TAB2: variants seen among roughly 807,000 people sequenced by gnomAD.
The protein encoded by TAB2 is TGF-beta-activated kinase 1 and MAP3K7-binding protein 2.
Under a neutral mutation model 65.0 loss-of-function variants are expected in TAB2, and 3 were observed. The observed-to-expected ratio is 0.05, with a 90% CI of 0.02 to 0.12. TAB2 has a LOEUF of 0.12. Among genes scored for constraint, TAB2 ranks in the 10% least tolerant of loss-of-function variants. The probability of loss-of-function intolerance (pLI) is 1.00; values close to 1 mark genes in which losing one functional copy is unlikely to be tolerated. For missense variants in TAB2, 623 were observed against 840.3 expected (o/e 0.74, Z 3.20); for synonymous variants, 298 against 285.1 (o/e 1.05, Z -0.46).
At position 149,379,085 on chromosome 6, in the gene TAB2, A is replaced by T; in HGVS notation, c.1170A>T (p.Ser390=). 3 of 1,614,162 alleles carry T rather than the reference A, an allele frequency of 1.9e-6. No homozygotes were observed. The South Asian group carries it at 3.3e-5, about 18-fold the overall frequency. ...GTAGTCAACCTAAGGTCTATATTTC[A>T]GCGAATGCTGCCACAGGAGATGAAC... ...MSRSQPKVYI[S]ANAATGDEQV... is the part of the protein sequence containing the mutation. The change falls in exon 3 of 7, where the codon TCA becomes TCT. Residue 390 remains serine, a synonymous_variant. Coordinates refer to ENST00000637181, the MANE Select transcript of TAB2 (RefSeq NM_001292034.3).
intron 1 of TAB2, among the ~76,000 whole-genome samples, chr6:149,369,470 A>G (rs1205634536): frequency 1.3e-5 from 2 of 152,216 alleles, no homozygotes; most frequent in African/African-American, 4.8e-5. Context: ...TATTGAATGC[A>G]TTGGGTTTTG....
intron 1 of TAB2, among the ~76,000 whole-genome samples, chr6:149,299,028 T>C (rs2114701470): frequency 6.6e-6 from 1 of 152,344 alleles, no homozygotes; most frequent in East Asian, 1.9e-4. Context: ...AAAGAAACTT[T>C]TCATGCTAAA....
At chr6:149,309,403 CTTTT>C (rs565648269) in intron 1 of TAB2, among the ~76,000 whole-genome samples, 1 of 141,158 alleles carries the variant, frequency 7.1e-6, no homozygotes. Context: ...AATAATTCCT[CTTTT>C]TTTTTTTTTT....
At chr6:149,407,168 A>G (rs1033126015) in intron 6 of TAB2, among the ~76,000 whole-genome samples, 3 of 152,222 alleles carry the variant, frequency 2.0e-5, no homozygotes, top group Admixed American at 6.5e-5. Flanking sequence ...CAGAGACTAG[A>G]TGCTATTTGG....
chr6:149,274,750 G>A (rs1778423864), intron 1 of TAB2, among the ~76,000 whole-genome samples: 1 of 152,212 alleles, frequency 6.6e-6, no homozygotes, highest in Admixed American at 6.5e-5. Flanking sequence ...AAGGCCCTAG[G>A]TAGTGCCTGA....
intron 1 of TAB2, among the ~76,000 whole-genome samples, chr6:149,309,001 C>T (rs1004879330): frequency 1.4e-5 from 2 of 139,220 alleles, no homozygotes; most frequent in Non-Finnish European, 3.1e-5. Context: ...AGTGTAATGC[C>T]TGACCCAGGA....
At chr6:149,280,931 CAAA>C (rs9322172) in intron 1 of TAB2, among the ~76,000 whole-genome samples, 5,735 of 115,058 alleles carry the variant, frequency 0.05, 339 homozygotes, top group African/African-American at 0.17. Flanking sequence ...GACCTCGTCT[CAAA>C]AAAAAAAAAA....
chr6:149,369,059 G>A (rs571298849), intron 1 of TAB2, among the ~76,000 whole-genome samples: 2 of 152,226 alleles, frequency 1.3e-5, no homozygotes, highest in Non-Finnish European at 2.9e-5. Flanking sequence ...TAGTTTTAAA[G>A]AGATTGTCTT....
At chr6:149,398,335 G>A (rs1383322619) in intron 5 of TAB2, among the ~76,000 whole-genome samples, 1 of 152,118 alleles carries the variant, frequency 6.6e-6, no homozygotes, top group Admixed American at 6.6e-5. Context: ...GACAAGCAAT[G>A]TTTTCTTATA....
At chr6:149,305,766 A>AT (rs1207002859) in intron 1 of TAB2, among the ~76,000 whole-genome samples, 4 of 152,140 alleles carry the variant, frequency 2.6e-5, no homozygotes, top group Admixed American at 2.0e-4. Context: ...TTCACATGTC[A>AT]TTTTTTCCTC....
At chr6:149,391,691 G>C (rs998800112) in intron 3 of TAB2, among the ~76,000 whole-genome samples, 1 of 151,768 alleles carries the variant, frequency 6.6e-6, no homozygotes, top group Non-Finnish European at 1.5e-5. Context: ...ACAGGCGCGC[G>C]CCACCATGCC....
At chr6:149,253,617 CAAAAAAAAAA>C (rs1170705031) in intron 1 of TAB2, among the ~76,000 whole-genome samples, 1 of 65,300 alleles carries the variant, frequency 1.5e-5, no homozygotes, top group Admixed American at 2.3e-4. Context: ...AAGACTGTCT[CAAAAAAAAAA>C]AAAAAAAAAA....
At chr6:149,312,613 T>TTAAGTGATC (rs1232807897) in intron 1 of TAB2, among the ~76,000 whole-genome samples, 14 of 152,356 alleles carry the variant, frequency 9.2e-5, no homozygotes, top group African/African-American at 3.1e-4. Context: ...TCCACCTGCC[T>TTAAGTGATC]CAGCCTCCCA....
intron 1 of TAB2, among the ~76,000 whole-genome samples, chr6:149,343,438 C>T (rs1416852506): frequency 6.7e-6 from 1 of 149,994 alleles, no homozygotes; most frequent in Non-Finnish European, 1.5e-5. Flanking sequence ...CACCACTGCA[C>T]TCCAGCCTGA....
intron 1 of TAB2, among the ~76,000 whole-genome samples, chr6:149,339,579 A>C (rs2114774242): frequency 9.5e-6 from 1 of 105,140 alleles, no homozygotes; most frequent in African/African-American, 3.6e-5. Flanking sequence ...CCCAATAATT[A>C]ATCTTTTTTA....
intron 1 of TAB2, among the ~76,000 whole-genome samples, chr6:149,226,147 G>A (rs1057058552): frequency 3.3e-5 from 5 of 152,098 alleles, no homozygotes; most frequent in Non-Finnish European, 2.9e-5. Context: ...GAATGAATGA[G>A]AGGATCCCGC....
At chr6:149,299,649 C>T (rs933475213) in intron 1 of TAB2, among the ~76,000 whole-genome samples, 2 of 152,066 alleles carry the variant, frequency 1.3e-5, no homozygotes, top group Non-Finnish European at 2.9e-5. Context: ...TAGGGCAAAC[C>T]TATTCTATCC....
At chr6:149,372,397 G>A (rs1781259223) in intron 2 of TAB2, 1 of 152,148 alleles carries the variant, frequency 6.6e-6, no homozygotes, top group Non-Finnish European at 1.5e-5. Context: ...GAGGGAACAG[G>A]CCTGATGGGA....
At chr6:149,317,258 G>A (rs1273537363), upstream of TAB2, among the ~76,000 whole-genome samples, 4 of 152,056 alleles carry the variant, frequency 2.6e-5, no homozygotes, top group East Asian at 1.9e-4. This position sits in a 1 kb window ranked among gnomAD's most constrained non-coding sequence, Gnocchi z 4.7. Flanking sequence ...GAGAAAGGGG[G>A]TCCCAGCCCT....
Sources: gnomAD v4.1 joint callset for allele counts (sites outside exome capture counted in the v4.1 genomes callset) on GRCh38, gnomAD v4.1.1 for gene constraint, Gnocchi (gnomAD v3.1) non-coding constraint, MANE v1.5 for transcripts, NCBI Gene and HGNC (gene_info 2026-07-23, HGNC 2026-07-21) for gene names.